Variants in PCDHGA6 observed in about 807,000 individuals in gnomAD.
PCDHGA6 encodes protocadherin gamma subfamily A, 6.
A neutral mutation model predicts 60.6 loss-of-function variants in PCDHGA6; 41 were observed. The ratio of observed to expected loss-of-function variants is 0.68; its 90% CI spans 0.53 to 0.88. The LOEUF (loss-of-function observed/expected upper bound fraction) is 0.88, where lower values mean the gene tolerates loss of function less well. Ranked by LOEUF, PCDHGA6 falls within the 40% of genes least tolerant of loss-of-function variation. The probability of loss-of-function intolerance (pLI) is 0.00; values close to 1 mark genes in which losing one functional copy is unlikely to be tolerated. For synonymous variants in PCDHGA6, 594 were observed against 524.4 expected (o/e 1.13, Z -1.81); for missense variants, 1,312 against 1,203.0 (o/e 1.09, Z -1.34).
intron 1 of PCDHGA6, among the ~76,000 whole-genome samples, chr5:141,405,781 A>G (rs913529807): frequency 2.6e-5 from 4 of 151,674 alleles, no homozygotes; most frequent in African/African-American, 7.3e-5. Context: ...CCTGGCCCTT[A>G]ACTTTCTATT....
chr5:141,414,371 A>G (rs1447111430), intron 1 of PCDHGA6: 1 of 1,613,954 alleles, frequency 6.2e-7, no homozygotes, highest in South Asian at 1.1e-5. Flanking sequence ...TTTAAATTAG[A>G]AAAGTCCATT....
chr5:141,455,400 C>G (rs537466326), intron 1 of PCDHGA6, among the ~76,000 whole-genome samples: 8 of 152,274 alleles, frequency 5.3e-5, no homozygotes, highest in Admixed American at 5.2e-4. Context: ...CTCCCCCTTA[C>G]AGAGACAGAG....
At chr5:141,409,897 A>C (rs549955923) in intron 1 of PCDHGA6, 1 of 1,613,086 alleles carries the variant, frequency 6.2e-7, no homozygotes, top group Non-Finnish European at 8.5e-7. Context: ...TGCTGTACCC[A>C]GCTCTGGGTC....
At chr5:141,415,425 T>G (rs777503392) in intron 1 of PCDHGA6, 7 of 1,614,080 alleles carry the variant, frequency 4.3e-6, no homozygotes, top group African/African-American at 1.3e-5. Context: ...TGGACGGGGT[T>G]CGGGCTTTCC....
chr5:141,415,095 C>G, intron 1 of PCDHGA6: 2 of 1,613,584 alleles, frequency 1.2e-6, no homozygotes, highest in Non-Finnish European at 1.7e-6. Context: ...TGGACAGAGA[C>G]GCGCTCAAGC....
At chr5:141,418,940 C>G in intron 1 of PCDHGA6, 9 of 1,614,012 alleles carry the variant, frequency 5.6e-6, no homozygotes, top group Non-Finnish European at 6.8e-6. Context: ...GGAGGATTCC[C>G]CTCCAGGAGT....
intron 1 of PCDHGA6, chr5:141,394,309 C>T (rs2092971552): frequency 6.2e-7 from 1 of 1,613,992 alleles, no homozygotes; most frequent in Non-Finnish European, 8.5e-7. Flanking sequence ...CTGCAGGGGG[C>T]GCCCCTGTCC....
At chr5:141,504,696 G>T (rs2099840373) in intron 2 of PCDHGA6, among the ~76,000 whole-genome samples, 1 of 151,438 alleles carries the variant, frequency 6.6e-6, no homozygotes, top group African/African-American at 2.4e-5. Flanking sequence ...GGAGGGGCAG[G>T]TTCTTCTATG....
intron 1 of PCDHGA6, chr5:141,398,838 T>C: frequency 6.2e-7 from 1 of 1,613,946 alleles, no homozygotes; most frequent in Non-Finnish European, 8.5e-7. Context: ...ACGCCAATGA[T>C]AATCCCCCGG....
rs920444759 is a variant in PCDHGA6, at chr5:141,432,767, C to G, written c.2424+56260C>G. On this transcript the variant is annotated intron_variant, in intron 1 of 3. Transcript: ENST00000517434. The surrounding 1 kb of genome is among the most constrained non-coding windows in gnomAD (Gnocchi z 6.0). ...CGTGGCCGTGGCCGACAGCATCCCC[C>G]AAGTCCTGGCGGACCTCGGCAGCCT... 2 of 1,614,058 alleles carry G rather than the reference C, an allele frequency of 1.2e-6. No individual in the cohort carries two copies. Among genetic ancestry groups the G allele is most frequent in the Admixed American group, 1.7e-5 (1 of 60,012 alleles).
At chr5:141,478,812 A>G (rs952753762) in intron 1 of PCDHGA6, 16 of 1,453,436 alleles carry the variant, frequency 1.1e-5, no homozygotes, top group Non-Finnish European at 1.4e-5. Flanking sequence ...TTGCTATCAC[A>G]ACTAACCAAT....
In PCDHGA6 at chr5:141,408,459, T is replaced by A; in HGVS notation, c.2424+31952T>A. 5 of 1,613,950 alleles carry A rather than the reference T, an allele frequency of 3.1e-6. No homozygotes were observed. The East Asian group carries it at 1.1e-4, about 36-fold the overall frequency. Reference sequence around the variant, plus strand: ...GACGCGGAGAGCGGGGACTTACTTGTGAAGAACCGAATAGACCGTGAGCAA... The same window carrying A: ...GACGCGGAGAGCGGGGACTTACTTGAGAAGAACCGAATAGACCGTGAGCAA... On this transcript the variant is annotated intron_variant, in intron 1 of 3. Transcript: ENST00000517434.
rs2099692694 is a variant in PCDHGA6, at chr5:141,489,817, GAGCTGGTGCTAGAGCAGC to G, written c.2425-4983_2425-4966del. On this transcript the variant is annotated intron_variant, in intron 1 of 3. Transcript: ENST00000517434. This position sits in a 1 kb window ranked among gnomAD's most constrained non-coding sequence, Gnocchi z 4.5. ...CCTAAAAGATGGGAAGCCATTCCCA[GAGCTGGTGCTAGAGCAGC>G]AGCTGGATCGTGAAGCCCAGGCAAG... 6 of 1,613,992 alleles carry G rather than the reference GAGCTGGTGCTAGAGCAGC, an allele frequency of 3.7e-6. No individual in the cohort carries two copies. Among genetic ancestry groups the G allele is most frequent in the Non-Finnish European group, 5.1e-6 (6 of 1,179,944 alleles).
chr5:141,478,415 C>T, intron 1 of PCDHGA6: 1 of 1,613,648 alleles, frequency 6.2e-7, no homozygotes, highest in Non-Finnish European at 8.5e-7. Flanking sequence ...CACGGACTCC[C>T]GCCGCAGCGA....
rs769074023 is a variant in PCDHGA6, at chr5:141,491,738, G to A, written c.2425-3069G>A. ...GCGCCGCCCCGGGCGACCCCTGGGG[G>A]CGGCACTGGAGAAGCCGCCCGTCCT... On this transcript the variant is annotated intron_variant, in intron 1 of 3. Transcript: ENST00000517434. The surrounding 1 kb of genome is among the most constrained non-coding windows in gnomAD (Gnocchi z 6.9). 6.2e-7 allele frequency: 1 copy of A among 1,600,346 alleles called. No homozygotes were observed. The highest frequency in any genetic ancestry group is 8.5e-7 in the Non-Finnish European group (1 of 1,174,196).
Position 141,485,048 on chromosome 5 carries a change from C to T in PCDHGA6, c.2425-9759C>T. ...AAACGGCGCGTAACCCTTGCGGCGC[C>T]GGCCGAACCGCGCCAGAGCTGGCGC... On this transcript the variant is annotated intron_variant, in intron 1 of 3. Transcript: ENST00000517434. The surrounding 1 kb of genome is among the most constrained non-coding windows in gnomAD (Gnocchi z 5.7). 1 of 770,392 alleles carries T rather than the reference C, an allele frequency of 1.3e-6. No individual in the cohort carries two copies. Among genetic ancestry groups the T allele is most frequent in the South Asian group, 1.7e-5 (1 of 58,120 alleles). 47.7% of individuals were successfully genotyped at this position (770,392 alleles called of 1,614,324 possible). A position where few individuals can be genotyped will look rare whatever the true frequency, so the allele number is the denominator to read the frequency against.
At chr5:141,510,315 G>A (rs2099880567) in intron 3 of PCDHGA6, among the ~76,000 whole-genome samples, 1 of 151,324 alleles carries the variant, frequency 6.6e-6, no homozygotes, top group African/African-American at 2.4e-5. Flanking sequence ...TGGAGGCTTG[G>A]AAGAGCACTC....
Position 141,374,469 on chromosome 5 carries a change from A to G in PCDHGA6, c.386A>G (p.Asn129Ser). ...GTGGAAATAGTGGACATTAATGACA[A>G]TACACCCCGATTCTTAAAGGAAGAA... Reference protein sequence around the residue: ...VEVEIVDINDNTPRFLKEELE... With the variant: ...VEVEIVDINDSTPRFLKEELE... The change falls in exon 1 of 4, where the codon AAT (asparagine) becomes AGT (serine). Residue 129 changes from asparagine (N) to serine (S), a missense_variant. By Grantham distance (46) the Asn-to-Ser change is conservative. Coordinates refer to ENST00000517434, the MANE Select transcript of PCDHGA6 (RefSeq NM_018919.3). 1 of 1,612,698 alleles carries G rather than the reference A, an allele frequency of 6.2e-7. No individual in the cohort carries two copies. The highest frequency in any genetic ancestry group is 8.5e-7 in the Non-Finnish European group (1 of 1,178,780).
intron 1 of PCDHGA6, chr5:141,409,439 G>C: frequency 6.2e-7 from 1 of 1,613,998 alleles, no homozygotes; most frequent in Non-Finnish European, 8.5e-7. Flanking sequence ...CCTGGACCGA[G>C]AGCAGACACC....
Sources: allele counts gnomAD v4.1 joint callset (sites outside exome capture counted in the v4.1 genomes callset), GRCh38; gene constraint gnomAD v4.1.1; non-coding constraint Gnocchi (gnomAD v3.1); transcripts MANE v1.5; gene names NCBI Gene and HGNC (gene_info 2026-07-23, HGNC 2026-07-21).